The following UBE2H variants were observed in gnomAD, a reference collection of about 807,000 sequenced individuals.
UBE2H encodes ubiquitin-conjugating enzyme E2 H.
UBE2H carries 3 observed loss-of-function variants against 29.0 expected under a neutral mutation model. The observed-to-expected ratio is 0.10, with a 90% CI of 0.05 to 0.27. The LOEUF is 0.27. Among genes scored for constraint, UBE2H ranks in the 10% least tolerant of loss-of-function variants. The probability of loss-of-function intolerance (pLI) is 1.00; values close to 1 mark genes in which losing one functional copy is unlikely to be tolerated. For missense variants in UBE2H, 68 were observed against 228.2 expected (o/e 0.30, Z 4.52); for synonymous variants, 69 against 82.9 (o/e 0.83, Z 0.91).
At chr7:129,918,759 T>C (rs544606306) in intron 1 of UBE2H, among the ~76,000 whole-genome samples, 123 of 152,246 alleles carry the variant, frequency 8.1e-4, no homozygotes, top group African/African-American at 2.8e-3. Context: ...GTAGACCCTT[T>C]CTCTATGTAT....
At chr7:129,874,677 T>C (rs1021926880) in intron 3 of UBE2H, among the ~76,000 whole-genome samples, 1 of 152,058 alleles carries the variant, frequency 6.6e-6, no homozygotes, top group African/African-American at 2.4e-5. Context: ...AGTATCCCCA[T>C]TATGATTATT....
Position 129,860,113 on chromosome 7 carries a change from G to A in UBE2H, c.206-1172C>T, listed in dbSNP as rs535062156. Among the ~76,000 whole-genome samples the A allele has an allele frequency of 3.9e-5, 6 of 152,296 alleles. No individual in the cohort carries two copies. The South Asian group carries it at 1.0e-3, about 26-fold the overall frequency. On this transcript the variant is annotated intron_variant, in intron 3 of 6. Transcript: ENST00000355621. ...ATGCAGAGAAATGGCACTGGAGGAG[G>A]AGCCTCAAGTGAGGCGCTACAGAGA...
At chr7:129,895,032 G>A (rs1254648409) in intron 1 of UBE2H, among the ~76,000 whole-genome samples, 3 of 152,128 alleles carry the variant, frequency 2.0e-5, no homozygotes, top group African/African-American at 2.4e-5. Context: ...AAACTTTTTG[G>A]AAAACTTTTA....
intron 6 of UBE2H, 36 bp from the exon 7 acceptor site, chr7:129,835,097 A>G (rs751156217): frequency 6.2e-7 from 1 of 1,613,406 alleles, no homozygotes; most frequent in Admixed American, 1.7e-5. Context: ...AAGGGCAGTG[A>G]GTGGGCAGGC....
At chr7:129,898,465 G>A (rs1362401324) in intron 1 of UBE2H, among the ~76,000 whole-genome samples, 4 of 152,022 alleles carry the variant, frequency 2.6e-5, no homozygotes, top group Non-Finnish European at 5.9e-5. Context: ...AGTATGAGAA[G>A]GAAATTAAAA....
chr7:129,915,301 T>C (rs62491531), intron 1 of UBE2H, among the ~76,000 whole-genome samples: 10,012 of 152,070 alleles, frequency 0.066, 542 homozygotes, highest in East Asian at 0.26. Flanking sequence ...CTTTGAGAGG[T>C]TGAGACGGGC....
chr7:129,903,180 T>G (rs928392381), intron 1 of UBE2H, among the ~76,000 whole-genome samples: 1 of 152,220 alleles, frequency 6.6e-6, no homozygotes, highest in African/African-American at 2.4e-5. Flanking sequence ...ATCCACAAAG[T>G]TCAAAAACTG....
chr7:129,859,209 G>A (rs1389238856), intron 3 of UBE2H, among the ~76,000 whole-genome samples: 1 of 152,188 alleles, frequency 6.6e-6, no homozygotes, highest in Non-Finnish European at 1.5e-5. Flanking sequence ...TGTTTTCTGA[G>A]CTATGAAGGT....
At position 129,931,856 on chromosome 7, in the gene UBE2H, G is replaced by C. The variant is rs529316690; in HGVS notation, c.53+20647C>G. On this transcript the variant is annotated intron_variant, in intron 1 of 6. Coordinates refer to ENST00000355621, the MANE Select transcript of UBE2H (RefSeq NM_003344.4). ...CTTTGCTTTTTTTTTTTTTTTTTGA[G>C]ACGGAGTCCAGCTCTGTCACCCAGG... is the stretch of plus-strand genomic sequence containing the variant. 5.5e-5 allele frequency among the ~76,000 whole-genome samples: 7 copies of C among 127,950 alleles called. No homozygotes were observed. The East Asian group carries it at 1.5e-3, about 27-fold the overall frequency. 83.9% of individuals were successfully genotyped at this position (127,950 alleles called of 152,430 possible). A position where few individuals can be genotyped will look rare whatever the true frequency, so the allele number is the denominator to read the frequency against.
rs1255931247 is a variant in UBE2H, at chr7:129,896,687, G to A, written c.54-15716C>T. Among the ~76,000 whole-genome samples, 6 of 152,134 alleles carry A rather than the reference G, an allele frequency of 3.9e-5. No homozygotes were observed. In the East Asian group the frequency reaches 9.6e-4, roughly 24 times the overall value. ...CCCAAAGTGCTGGGATTATAGGTGT[G>A]AGTCACCTTGCCTGGCCCTTTTCTG... On this transcript the variant is annotated intron_variant, in intron 1 of 6. Transcript: ENST00000355621.
intron 5 of UBE2H, among the ~76,000 whole-genome samples, chr7:129,849,113 G>A (rs1805563349): frequency 6.6e-6 from 1 of 151,930 alleles, no homozygotes; most frequent in African/African-American, 2.4e-5. Context: ...AACCTATAAA[G>A]AGTCCTACAC....
At chr7:129,912,773 G>A (rs1806963914) in intron 1 of UBE2H, among the ~76,000 whole-genome samples, 1 of 152,272 alleles carries the variant, frequency 6.6e-6, no homozygotes, top group East Asian at 1.9e-4. Context: ...TTTAGGCAAA[G>A]CCTATCCCTA....
At position 129,945,871 on chromosome 7, in the gene UBE2H, A is replaced by G. The variant is rs1214673787; in HGVS notation, c.53+6632T>C. Reference sequence around the variant, plus strand: ...ATTGATTCTCCTGCCTCAACCTCCCAAGTAGCTGGGATTACAGGCATGCGC... The same window carrying G: ...ATTGATTCTCCTGCCTCAACCTCCCGAGTAGCTGGGATTACAGGCATGCGC... On this transcript the variant is annotated intron_variant, in intron 1 of 6. Transcript: ENST00000355621. 4.6e-5 allele frequency among the ~76,000 whole-genome samples: 7 copies of G among 152,054 alleles called. No individual in the cohort carries two copies. The South Asian group carries it at 6.2e-4, about 14-fold the overall frequency.
chr7:129,882,101 T>C (rs545406801), intron 1 of UBE2H, among the ~76,000 whole-genome samples: 1 of 152,186 alleles, frequency 6.6e-6, no homozygotes, highest in Admixed American at 6.5e-5. Flanking sequence ...CCTCTAAAAC[T>C]TACCTACCCC....
At chr7:129,859,797 C>T (rs973920687) in intron 3 of UBE2H, among the ~76,000 whole-genome samples, 1 of 152,208 alleles carries the variant, frequency 6.6e-6, no homozygotes, top group African/African-American at 2.4e-5. Flanking sequence ...TTCTGTTCCA[C>T]ACTTTCAATA....
chr7:129,888,554 A>C (rs1806410455), intron 1 of UBE2H, among the ~76,000 whole-genome samples: 1 of 151,994 alleles, frequency 6.6e-6, no homozygotes, highest in Non-Finnish European at 1.5e-5. Flanking sequence ...AGCTCACTGC[A>C]ATCTCCGCCT....
chr7:129,906,573 ATTAAG>A lies in UBE2H; in HGVS notation c.54-25607_54-25603del, dbSNP rs368705818. On this transcript the variant is annotated intron_variant, in intron 1 of 6. Coordinates refer to ENST00000355621, the MANE Select transcript of UBE2H (RefSeq NM_003344.4). ...CCTGAGAAACAGATAGGCATCTAGA[ATTAAG>A]TTAAGTATTTGTTAGGTTATCATTT... is the stretch of plus-strand genomic sequence containing the variant. Among the ~76,000 whole-genome samples the A allele has an allele frequency of 3.5e-3, 534 of 152,302 alleles. 3 individuals carry two copies. Among genetic ancestry groups the A allele is most frequent in the African/African-American group, 0.012 (487 of 41,560 alleles).
chr7:129,896,511 T>C (rs115087269), intron 1 of UBE2H, among the ~76,000 whole-genome samples: 1,613 of 152,054 alleles, frequency 0.011, 33 homozygotes, highest in African/African-American at 0.037. Flanking sequence ...GTTCAAATGA[T>C]CCTCCCACCT....
intron 1 of UBE2H, among the ~76,000 whole-genome samples, chr7:129,908,351 A>C (rs1283683688): frequency 6.6e-6 from 1 of 152,202 alleles, no homozygotes; most frequent in Non-Finnish European, 1.5e-5. Context: ...TGATGATGAC[A>C]ATGCACAAAA....
Sources: allele counts gnomAD v4.1 joint callset (sites outside exome capture counted in the v4.1 genomes callset), GRCh38; gene constraint gnomAD v4.1.1; transcripts MANE v1.5; gene names NCBI Gene and HGNC (gene_info 2026-07-23, HGNC 2026-07-21).